MOXD1: variants seen among roughly 807,000 people sequenced by gnomAD.
MOXD1 encodes DBH-like monooxygenase protein 1.
MOXD1 carries 62 observed loss-of-function variants against 66.6 expected under a neutral mutation model. The observed-to-expected ratio is 0.93, with a 90% CI of 0.76 to 1.15. MOXD1 has a LOEUF of 1.15. Among genes scored for constraint, MOXD1 ranks in the 50% most tolerant of loss-of-function variants. The pLI, the probability that MOXD1 is intolerant of heterozygous loss-of-function variation, is 0.00. For missense variants in MOXD1, 847 were observed against 754.6 expected, an observed-to-expected ratio of 1.12 and a Z score of -1.44; for synonymous variants, 303 against 281.9, an observed-to-expected ratio of 1.07 and a Z score of -0.75.
At chr6:132,300,068 GTAA>G (rs1774498067) in intron 10 of MOXD1, among the ~76,000 whole-genome samples, 1 of 151,872 alleles carries the variant, frequency 6.6e-6, no homozygotes, top group Non-Finnish European at 1.5e-5. Flanking sequence ...AGGAAAATAG[GTAA>G]TATATATAGA....
chr6:132,354,582 AG>A (rs1419250677), intron 4 of MOXD1, among the ~76,000 whole-genome samples: 1 of 152,060 alleles, frequency 6.6e-6, no homozygotes, highest in East Asian at 1.9e-4. Context: ...GGGCTCTGTG[AG>A]GGTTCTTACC....
intron 1 of MOXD1, among the ~76,000 whole-genome samples, chr6:132,386,431 A>C (rs1485474820): frequency 7.5e-6 from 1 of 133,128 alleles, no homozygotes; most frequent in East Asian, 2.3e-4. Flanking sequence ...AACAAAACAA[A>C]ACAAAAAAAA....
Position 132,315,283 on chromosome 6 carries a change from T to C in MOXD1, c.1508+352A>G, listed in dbSNP as rs146037990. Among the ~76,000 whole-genome samples, 328 of 152,346 alleles carry C rather than the reference T, an allele frequency of 2.2e-3. 1 individual carries two copies. The highest frequency in any genetic ancestry group is 7.5e-3 in the African/African-American group (310 of 41,590). On this transcript the variant is annotated intron_variant, in intron 10 of 11. Transcript: ENST00000367963. The stretch of plus-strand genomic sequence containing the variant: ...TTTGGTGCATTCTGTGTGACTCCAC[T>C]GGAAGAGGGCTCTTGGAAGCTTGCG...
In MOXD1 at chr6:132,324,102, A is replaced by C; in HGVS notation, c.947-5T>G. Reference sequence around the variant, plus strand: ...GTCCAGAATTATCTATTAAGCCTAGAACAAAAGCACATAATTAAAGTGATT... The same window carrying C: ...GTCCAGAATTATCTATTAAGCCTAGCACAAAAGCACATAATTAAAGTGATT... On this transcript the variant is annotated splice_region_variant and splice_polypyrimidine_tract_variant and intron_variant, in intron 6 of 11. Transcript: ENST00000367963. 6.2e-7 allele frequency: 1 copy of C among 1,608,624 alleles called. No homozygotes were observed. Among genetic ancestry groups the C allele is most frequent in the Non-Finnish European group, 8.5e-7 (1 of 1,177,936 alleles).
At position 132,297,057 on chromosome 6, in the gene MOXD1, C is replaced by A. The variant is rs1774417258; in HGVS notation, c.*96G>T. 7.6e-7 allele frequency: 1 copy of A among 1,310,600 alleles called. No individual in the cohort carries two copies. Among genetic ancestry groups the A allele is most frequent in the Non-Finnish European group, 1.1e-6 (1 of 951,352 alleles). 81.2% of individuals were successfully genotyped at this position (1,310,600 alleles called of 1,614,324 possible). ...GGAAAATGGGGAAGAAAAGTCTCCA[C>A]ACTCTTCATGCCCAAAGTGGACACA... On this transcript the variant is annotated 3_prime_UTR_variant, in exon 12 of 12. Transcript: ENST00000367963.
chr6:132,325,790 A>G (rs1274856445), intron 6 of MOXD1, among the ~76,000 whole-genome samples: 1 of 152,258 alleles, frequency 6.6e-6, no homozygotes, highest in Non-Finnish European at 1.5e-5. Flanking sequence ...TTCTAAGAAC[A>G]GTGTTTGGCA....
chr6:132,321,371 A>G (rs975428013), intron 8 of MOXD1, among the ~76,000 whole-genome samples: 85 of 152,342 alleles, frequency 5.6e-4, no homozygotes, highest in Non-Finnish European at 2.1e-4. Flanking sequence ...AGACATAGAT[A>G]GTAGTTATTG....
chr6:132,347,823 A>T (rs1362999590), intron 4 of MOXD1, among the ~76,000 whole-genome samples: 1 of 152,216 alleles, frequency 6.6e-6, no homozygotes, highest in African/African-American at 2.4e-5. Flanking sequence ...GTCTTTTATA[A>T]GTCATGAAAG....
chr6:132,401,225 C>T lies in MOXD1; in HGVS notation c.202G>A (p.Gly68Arg), dbSNP rs770438288. 1 of 1,577,772 alleles carries T rather than the reference C, an allele frequency of 6.3e-7. No individual in the cohort carries two copies. Among genetic ancestry groups the T allele is most frequent in the East Asian group, 2.3e-5 (1 of 42,654 alleles). ...GYVGFGFSPT[G>R]AMASADIVVG... ...ACGATGTCGGCGGACGCCATGGCCC[C>T]GGTGGGCGAGAAGCCGAAGCCCACG... Residue 68 changes from glycine to arginine, a missense_variant, in exon 1 of 12, where the codon GGG becomes AGG. Transcript: ENST00000367963.
intron 1 of MOXD1, chr6:132,392,261 C>G (rs748375978): frequency 1.9e-6 from 3 of 1,603,898 alleles, no homozygotes; most frequent in Non-Finnish European, 2.6e-6. Context: ...GAAGACACTT[C>G]GCATCACAGG....
intron 1 of MOXD1, among the ~76,000 whole-genome samples, chr6:132,384,649 C>T (rs1259810504): frequency 6.7e-6 from 1 of 150,278 alleles, no homozygotes; most frequent in African/African-American, 2.5e-5. Flanking sequence ...AGGAACCATC[C>T]ATGCAATGTG....
At chr6:132,305,107 G>T (rs1254810798) in intron 10 of MOXD1, among the ~76,000 whole-genome samples, 1 of 152,194 alleles carries the variant, frequency 6.6e-6, no homozygotes, top group Non-Finnish European at 1.5e-5. Flanking sequence ...ACTGCCTAAC[G>T]TACTAAGCTC....
At position 132,349,946 on chromosome 6, in the gene MOXD1, C is replaced by T. The variant is rs1220010016; in HGVS notation, c.664-21352G>A. 2.0e-5 allele frequency among the ~76,000 whole-genome samples: 3 copies of T among 152,082 alleles called. No individual in the cohort carries two copies. The East Asian group carries it at 5.8e-4, about 29-fold the overall frequency. On this transcript the variant is annotated intron_variant, in intron 4 of 11. Coordinates refer to ENST00000367963, the MANE Select transcript of MOXD1 (RefSeq NM_015529.4). ...CCTTTGAGAATTGTCTATTCATGTCCTTAGCCTACTTTTTGATGGGATTGT... is the reference window on the plus strand; with the variant it reads ...CCTTTGAGAATTGTCTATTCATGTCTTTAGCCTACTTTTTGATGGGATTGT...
At chr6:132,349,121 C>T (rs1294841836) in intron 4 of MOXD1, among the ~76,000 whole-genome samples, 1 of 151,244 alleles carries the variant, frequency 6.6e-6, no homozygotes, top group East Asian at 1.9e-4. Context: ...GTCTTTTTAT[C>T]CCTTGCCCAC....
At chr6:132,320,195 T>C (rs611273) in intron 9 of MOXD1, among the ~76,000 whole-genome samples, 77,950 of 151,976 alleles carry the variant, frequency 0.51, 23,741 homozygotes, top group African/African-American at 0.85. Flanking sequence ...ATTTCTTGAA[T>C]GCTTGGTGGA....
chr6:132,396,772 G>C (rs576394358), intron 1 of MOXD1, among the ~76,000 whole-genome samples: 4 of 152,106 alleles, frequency 2.6e-5, no homozygotes, highest in East Asian at 3.8e-4. Context: ...AGAAAACCTA[G>C]AGGAAATAGA....
At chr6:132,389,393 C>A (rs1562300940) in intron 1 of MOXD1, among the ~76,000 whole-genome samples, 1 of 151,526 alleles carries the variant, frequency 6.6e-6, no homozygotes, top group Non-Finnish European at 1.5e-5. Flanking sequence ...TTTGTATCCC[C>A]ATGTCCTATG....
intron 4 of MOXD1, among the ~76,000 whole-genome samples, chr6:132,369,235 T>C (rs1169945179): frequency 1.3e-5 from 2 of 152,098 alleles, no homozygotes; most frequent in African/African-American, 2.4e-5. Context: ...TTGAAGTCTT[T>C]GTATAGGCTC....
At position 132,372,894 on chromosome 6, in the gene MOXD1, A is replaced by G. The variant is rs913508230; in HGVS notation, c.515T>C (p.Leu172Ser). 2.4e-5 allele frequency: 38 copies of G among 1,613,952 alleles called. No homozygotes were observed. The highest frequency in any genetic ancestry group is 3.0e-5 in the Non-Finnish European group (35 of 1,179,952). ...SNRGTKSLRL[L>S]NPEKTSVLST... ...TAGCACACTAGTTTTCTCAGGATTC[A>G]ATAACCGCAAACTCTTGGTGCCCCT... is the stretch of plus-strand genomic sequence containing the variant. The change falls in exon 3 of 12, where the codon TTG becomes TCG. Residue 172 changes from leucine to serine, a missense_variant. Leu to Ser is a moderately radical substitution (Grantham distance 145). Coordinates refer to ENST00000367963, the MANE Select transcript of MOXD1 (RefSeq NM_015529.4).
Sources: allele counts gnomAD v4.1 joint callset (sites outside exome capture counted in the v4.1 genomes callset), GRCh38; gene constraint gnomAD v4.1.1; transcripts MANE v1.5; gene names NCBI Gene and HGNC (gene_info 2026-07-23, HGNC 2026-07-21).